AP2A2: variants seen among roughly 807,000 people sequenced by gnomAD.
AP2A2 encodes adaptor related protein complex 2 subunit alpha 2, also known as AP-2 complex subunit alpha-2.
In AP2A2, 32 loss-of-function variants were observed where a neutral mutation model predicts 104.2. The ratio of observed to expected loss-of-function variants is 0.31; its 90% CI spans 0.23 to 0.41. The LOEUF is 0.41. Ranked by LOEUF, AP2A2 falls within the 10% of genes least tolerant of loss-of-function variation. The pLI is 1.00. For missense variants in AP2A2, 912 were observed against 1,261.0 expected (o/e 0.72, Z 4.19); for synonymous variants, 539 against 533.3 (o/e 1.01, Z -0.15).
intron 1 of AP2A2, chr11:940,991 A>G (rs115343106): frequency 0.096 from 43,286 of 451,400 alleles, 2,306 homozygotes; most frequent in African/African-American, 0.15. Context: ...TGCTCTCACG[A>G]GGCCCCTTGC....
chr11:946,371 A>G (rs1318228570), intron 1 of AP2A2: 5 of 152,274 alleles, frequency 3.3e-5, no homozygotes, highest in Admixed American at 2.6e-4. Context: ...GACCTGTCCC[A>G]CTTACTGAGC....
At chr11:990,767 G>A (rs1478738483) in intron 10 of AP2A2, among the ~76,000 whole-genome samples, 1 of 143,678 alleles carries the variant, frequency 7.0e-6, no homozygotes, top group Non-Finnish European at 1.5e-5. Flanking sequence ...AGCCGGGCAG[G>A]GTGCTCCCCC....
intron 14 of AP2A2, chr11:995,365 GT>G (rs1564816998): frequency 2.2e-6 from 1 of 455,888 alleles, no homozygotes; most frequent in South Asian, 1.5e-5. Context: ...TGAGAGTTGC[GT>G]TTTTGCTTGG....
chr11:985,998 G>A (rs956053239), intron 8 of AP2A2, among the ~76,000 whole-genome samples: 4 of 152,254 alleles, frequency 2.6e-5, no homozygotes, highest in African/African-American at 7.2e-5. Context: ...TCCACGAAGC[G>A]CAGAGGCGCA....
chr11:1,008,812 C>G, intron 18 of AP2A2: 1 of 465,300 alleles, frequency 2.1e-6, no homozygotes. Context: ...AAAGAAAAAA[C>G]ATCACACTAT....
At chr11:985,678 A>G in intron 8 of AP2A2, 96 bp downstream of exon 8, 1 of 1,528,544 alleles carries the variant, frequency 6.5e-7, no homozygotes, top group Non-Finnish European at 8.9e-7. Context: ...TGGTTTGTCC[A>G]CTCCATGGGC....
At chr11:970,349 G>A (rs753930027) in intron 3 of AP2A2, 38 bp downstream of exon 3, 16 of 1,605,002 alleles carry the variant, frequency 1.0e-5, no homozygotes, top group South Asian at 3.3e-5. Flanking sequence ...AGAGGATGGC[G>A]TGGGCCTGGC....
At chr11:986,618 A>T (rs1230686075) in intron 8 of AP2A2, among the ~76,000 whole-genome samples, 167 bp from the exon 9 acceptor site, 4 of 152,204 alleles carry the variant, frequency 2.6e-5, no homozygotes, top group African/African-American at 9.7e-5. Context: ...GTCGGGCGTC[A>T]TCTGCATCTG....
chr11:997,738 C>G (rs887902933), intron 14 of AP2A2, among the ~76,000 whole-genome samples: 2 of 152,044 alleles, frequency 1.3e-5, no homozygotes, highest in African/African-American at 2.4e-5. Context: ...AACCCCGTCT[C>G]TTCTAAAAAT....
rs545795970 is a variant in AP2A2 at position 982,720 on chromosome 11, G to A, written c.705+1421G>A. 1.1e-3 allele frequency among the ~76,000 whole-genome samples: 171 copies of A among 150,878 alleles called. No individual in the cohort carries two copies. The Middle Eastern group carries it at 0.014, about 12-fold the overall frequency. ...GGTTGGAGTGCAGTGGTACGATCTCGGCTCACCATAATCTCTGCCTCCCAG... is the reference window on the plus strand; with the variant it reads ...GGTTGGAGTGCAGTGGTACGATCTCAGCTCACCATAATCTCTGCCTCCCAG... On this transcript the variant is annotated intron_variant, in intron 6 of 21. Transcript: ENST00000448903.
rs914741572 is a variant in AP2A2, at chr11:992,731, CAGA to C, written c.1452+49_1452+51del. ...GGAAGGATGGGGTGGAGGGCAGTTG[CAGA>C]AGGTGAGCAGTGAGTGGTTCCAGCC... On this transcript the variant is annotated intron_variant, in intron 11 of 21. Transcript: ENST00000448903. This position sits in a 1 kb window ranked among gnomAD's most constrained non-coding sequence, Gnocchi z 6.4. 1.9e-6 allele frequency: 3 copies of C among 1,607,576 alleles called. No individual in the cohort carries two copies. The highest frequency in any genetic ancestry group is 1.7e-5 in the Admixed American group (1 of 59,748).
At chr11:972,913 G>A (rs1029901737) in intron 4 of AP2A2, among the ~76,000 whole-genome samples, 2 of 152,248 alleles carry the variant, frequency 1.3e-5, no homozygotes, top group African/African-American at 4.8e-5. Flanking sequence ...GCCGAGCACC[G>A]CGCCGGAGCG....
chr11:935,372 T>G (rs1853419098), intron 1 of AP2A2, among the ~76,000 whole-genome samples: 1 of 152,060 alleles, frequency 6.6e-6, no homozygotes, highest in Non-Finnish European at 1.5e-5. Context: ...TTCACCATTT[T>G]GGCCAGGCTA....
intron 15 of AP2A2, among the ~76,000 whole-genome samples, chr11:1,003,093 G>A (rs1313695971): frequency 6.6e-6 from 1 of 152,258 alleles, no homozygotes; most frequent in Non-Finnish European, 1.5e-5. Flanking sequence ...AAACACAAAT[G>A]AAAGCTAACC....
chr11:996,672 A>G (rs930896362), intron 14 of AP2A2, among the ~76,000 whole-genome samples: 2 of 152,162 alleles, frequency 1.3e-5, no homozygotes, highest in Non-Finnish European at 2.9e-5. Flanking sequence ...ATGAGGGTCC[A>G]GTGAGGTTCA....
intron 10 of AP2A2, among the ~76,000 whole-genome samples, chr11:991,422 A>C (rs1396569581): frequency 6.6e-6 from 1 of 152,046 alleles, no homozygotes; most frequent in Non-Finnish European, 1.5e-5. Context: ...GCAGAAGGTG[A>C]TAGTGGCCTG....
In AP2A2 at chr11:970,331, G is replaced by T; in HGVS notation, c.279+20G>T. 6.2e-7 allele frequency: 1 copy of T among 1,611,180 alleles called. No homozygotes were observed. The highest frequency in any genetic ancestry group is 8.5e-7 in the Non-Finnish European group (1 of 1,177,928). ...CAGATCGTGAGTATCGCTGCAGGTG[G>T]AGACGGCAGAGGATGGCGTGGGCCT... is the stretch of plus-strand genomic sequence containing the variant. On this transcript the variant is annotated intron_variant, in intron 3 of 21. Transcript: ENST00000448903.
intron 6 of AP2A2, among the ~76,000 whole-genome samples, chr11:983,746 A>G (rs1201187494): frequency 6.6e-6 from 1 of 152,228 alleles, no homozygotes; most frequent in African/African-American, 2.4e-5. Flanking sequence ...TGTTTCAAAT[A>G]TATACAGTTA....
At chr11:981,078 C>A in intron 5 of AP2A2, 120 bp from the exon 6 acceptor site, 3 of 719,546 alleles carry the variant, frequency 4.2e-6, no homozygotes, top group Non-Finnish European at 6.9e-6. Flanking sequence ...AGGCCTGAGG[C>A]CGAGGTGGCT....
Sources: allele counts gnomAD v4.1 joint callset (sites outside exome capture counted in the v4.1 genomes callset), GRCh38; gene constraint gnomAD v4.1.1; non-coding constraint Gnocchi (gnomAD v3.1); transcripts MANE v1.5; gene names NCBI Gene and HGNC (gene_info 2026-07-23, HGNC 2026-07-21).